SPACA6: variants seen among roughly 807,000 people sequenced by gnomAD.
SPACA6 encodes the protein sperm acrosome associated 6, also known as sperm acrosome membrane-associated protein 6.
For missense variants in SPACA6, 8 were observed against 2.8 expected, an observed-to-expected ratio of 2.88 and a Z score of -1.34; for synonymous variants, 6 against 1.5, an observed-to-expected ratio of 4.05 and a Z score of -2.21.
At chr19:51,709,549 A>G (rs889013535), downstream of SPACA6, among the ~76,000 whole-genome samples, 6 of 149,536 alleles carry the variant, frequency 4.0e-5, no homozygotes, top group Non-Finnish European at 8.9e-5. Flanking sequence ...AAAAAAAAAA[A>G]AGATGACATG....
chr19:51,698,340 C>T (rs1014343895), intron 2 of SPACA6, among the ~76,000 whole-genome samples: 1 of 152,104 alleles, frequency 6.6e-6, no homozygotes, highest in African/African-American at 2.4e-5. Context: ...CCTTATGGCC[C>T]GCTTGCTATA....
At chr19:51,704,237 G>A (rs2083495451) in intron 7 of SPACA6, 33 bp from the exon 8 acceptor site, 2 of 400,848 alleles carry the variant, frequency 5.0e-6, no homozygotes, top group Admixed American at 8.8e-5. Context: ...GAGGGGTGGG[G>A]CTCGTGCCTG....
chr19:51,689,716 G>T (rs1470216741), upstream of SPACA6: 1 of 151,422 alleles, frequency 6.6e-6, no homozygotes, highest in African/African-American at 2.4e-5. Flanking sequence ...GTGGCTGGGA[G>T]CCCAGACTCC....
chr19:51,695,612 A>G, intron 2 of SPACA6, among the ~76,000 whole-genome samples: 1 of 152,206 alleles, frequency 6.6e-6, no homozygotes, highest in African/African-American at 2.4e-5. Flanking sequence ...GGGAGACCTG[A>G]GGCCCTAAAC....
intron 8 of SPACA6, chr19:51,704,862 CA>C (rs2083504346): frequency 2.7e-6 from 1 of 365,422 alleles, no homozygotes; most frequent in African/African-American, 2.2e-5. Flanking sequence ...CCTCCTCCCT[CA>C]GACCCAGGAG....
At chr19:51,685,892 C>A (rs551211414), upstream of SPACA6, 1 of 152,186 alleles carries the variant, frequency 6.6e-6, no homozygotes, top group Non-Finnish European at 1.5e-5. Flanking sequence ...TCTGACGTTA[C>A]GTCGGTGCTC....
chr19:51,695,302 C>T (rs973140339), intron 2 of SPACA6, among the ~76,000 whole-genome samples: 2 of 152,094 alleles, frequency 1.3e-5, no homozygotes, highest in East Asian at 1.9e-4. Context: ...GCAGCATGGG[C>T]GGTAATCATG....
intron 3 of SPACA6, chr19:51,702,423 G>C (rs979524438): frequency 2.6e-6 from 1 of 388,340 alleles, no homozygotes; most frequent in African/African-American, 2.1e-5. Context: ...CAGCAGTCCT[G>C]GGCCTGACCT....
At chr19:51,691,988 TG>T (rs1489555181), upstream of SPACA6, among the ~76,000 whole-genome samples, 1 of 151,488 alleles carries the variant, frequency 6.6e-6, no homozygotes, top group Non-Finnish European at 1.5e-5. Flanking sequence ...CTCTCTGGAG[TG>T]GGAGGTGTCA....
At chr19:51,694,421 G>A (rs934986788) in intron 1 of SPACA6, 57 bp from the exon 2 acceptor site, 4 of 398,394 alleles carry the variant, frequency 1.0e-5, no homozygotes, top group Non-Finnish European at 1.8e-5. Context: ...TCGCATTAGG[G>A]ACATGGTGTT....
At chr19:51,683,899 A>C in the SPACA6 span, among the ~76,000 whole-genome samples, 1 of 152,232 alleles carries the variant, frequency 6.6e-6, no homozygotes, top group East Asian at 1.9e-4. Context: ...CTGTGCTCTT[A>C]ATCACCTTGG....
intron 2 of SPACA6, among the ~76,000 whole-genome samples, chr19:51,695,646 A>T (rs2083424513): frequency 6.6e-6 from 1 of 152,236 alleles, no homozygotes; most frequent in Non-Finnish European, 1.5e-5. Flanking sequence ...GGTGTGCAGG[A>T]TTCCAAGAAA....
At chr19:51,690,986 C>A (rs2083365980), upstream of SPACA6, among the ~76,000 whole-genome samples, 1 of 147,658 alleles carries the variant, frequency 6.8e-6, no homozygotes, top group Non-Finnish European at 1.5e-5. Context: ...GCCTGAGGGT[C>A]TGGGAGGTTG....
downstream of SPACA6, among the ~76,000 whole-genome samples, chr19:51,709,354 C>T (rs2083531007): frequency 1.3e-5 from 2 of 151,634 alleles, no homozygotes; most frequent in Non-Finnish European, 2.9e-5. Flanking sequence ...CCCATCTCTC[C>T]TAAAAATAAA....
intron 2 of SPACA6, among the ~76,000 whole-genome samples, chr19:51,700,439 T>C (rs1257345649): frequency 6.6e-6 from 1 of 152,240 alleles, no homozygotes; most frequent in African/African-American, 2.4e-5. Context: ...GTTACAGCTC[T>C]TCCAACTTTG....
At chr19:51,711,043 G>T (rs2083538879) in intron 2 of SPACA6, among the ~76,000 whole-genome samples, 1 of 152,102 alleles carries the variant, frequency 6.6e-6, no homozygotes, top group Non-Finnish European at 1.5e-5. Context: ...TCACACCACT[G>T]AACTCCAGCC....
At position 51,710,947 on chromosome 19, in the gene SPACA6, G is replaced by A. The variant is rs576582509; in HGVS notation, n.200-1086G>A. ...ATACAAAAATCAGCTGGGTGTGGTG[G>A]CACATGCCTGTAATCCCAGCTACTT... On this transcript the variant is annotated intron_variant and non_coding_transcript_variant, in intron 2 of 2. Transcript: ENST00000573896. Among the ~76,000 whole-genome samples, 12 of 152,312 alleles carry A rather than the reference G, an allele frequency of 7.9e-5. No homozygotes were observed. In the South Asian group the frequency reaches 2.5e-3, roughly 32 times the overall value.
At chr19:51,692,163 C>A (rs2083379405), upstream of SPACA6, among the ~76,000 whole-genome samples, 1 of 152,158 alleles carries the variant, frequency 6.6e-6, no homozygotes, top group African/African-American at 2.4e-5. The surrounding 1 kb of genome is among the most constrained non-coding windows in gnomAD (Gnocchi z 5.6). Context: ...GGCCTGGAGT[C>A]TCTGCAGACT....
chr19:51,707,005 G>A (rs999779797), downstream of SPACA6, among the ~76,000 whole-genome samples: 1 of 152,064 alleles, frequency 6.6e-6, no homozygotes, highest in Admixed American at 6.6e-5. Context: ...TACCTGAAAG[G>A]GAAGCTCCTT....
Sources: allele counts gnomAD v4.1 joint callset (sites outside exome capture counted in the v4.1 genomes callset), GRCh38; gene constraint gnomAD v4.1.1; non-coding constraint Gnocchi (gnomAD v3.1); transcripts MANE v1.5; gene names NCBI Gene and HGNC (gene_info 2026-07-23, HGNC 2026-07-21).